The following VTA1 variants were observed in gnomAD, a reference collection of about 807,000 sequenced individuals.
The protein encoded by VTA1 is vacuolar protein sorting-associated protein VTA1 homolog.
VTA1 carries 24 observed loss-of-function variants against 36.9 expected under a neutral mutation model. The ratio of observed to expected loss-of-function variants is 0.65; its 90% CI spans 0.47 to 0.91. The LOEUF (loss-of-function observed/expected upper bound fraction) is 0.91. Ranked by LOEUF, VTA1 falls within the 40% of genes least tolerant of loss-of-function variation. The pLI is 0.00. For synonymous variants in VTA1, 142 were observed against 130.2 expected, an observed-to-expected ratio of 1.09 and a Z score of -0.62; for missense variants, 393 against 377.2, an observed-to-expected ratio of 1.04 and a Z score of -0.35.
At chr6:142,174,509 T>C (rs1279782038) in intron 4 of VTA1, among the ~76,000 whole-genome samples, 1 of 152,178 alleles carries the variant, frequency 6.6e-6, no homozygotes, top group Non-Finnish European at 1.5e-5. Flanking sequence ...CCTTGATTCT[T>C]AGATGAGATT....
chr6:142,198,104 A>AATAT (rs1208220113), intron 5 of VTA1, among the ~76,000 whole-genome samples: 22 of 51,860 alleles, frequency 4.2e-4, no homozygotes, highest in Admixed American at 9.5e-4. Context: ...CTCAAAAAAA[A>AATAT]ATATATATAT....
chr6:142,161,088 C>T (rs910792731), intron 1 of VTA1, among the ~76,000 whole-genome samples: 6 of 143,840 alleles, frequency 4.2e-5, no homozygotes, highest in African/African-American at 1.3e-4. Flanking sequence ...TCCCCCCCCC[C>T]CCTTTTTTTG....
intron 1 of VTA1, among the ~76,000 whole-genome samples, chr6:142,159,442 TACTATTAATCCTGTCC>T (rs1214652408): frequency 6.6e-6 from 1 of 150,794 alleles, no homozygotes; most frequent in Non-Finnish European, 1.5e-5. Context: ...TTGGTGTCTA[TACTATTAATCCTGTCC>T]ACTGAATTTT....
intron 1 of VTA1, among the ~76,000 whole-genome samples, chr6:142,156,665 TC>T (rs1432396833): frequency 6.6e-6 from 1 of 152,190 alleles, no homozygotes; most frequent in Non-Finnish European, 1.5e-5. Flanking sequence ...TTAATAAACT[TC>T]CAGTTAAAGT....
chr6:142,185,334 C>G (rs1247416350), intron 4 of VTA1, among the ~76,000 whole-genome samples: 1 of 152,072 alleles, frequency 6.6e-6, no homozygotes, highest in Non-Finnish European at 1.5e-5. Context: ...AATTAAAGGT[C>G]TTAATTAACA....
At chr6:142,188,595 G>A (rs115585904) in intron 4 of VTA1, among the ~76,000 whole-genome samples, 2,320 of 152,208 alleles carry the variant, frequency 0.015, 52 homozygotes, top group African/African-American at 0.054. Flanking sequence ...GTGCAGGCTG[G>A]CACTTGTAGA....
At chr6:142,187,755 T>A (rs921787398) in intron 4 of VTA1, among the ~76,000 whole-genome samples, 2 of 152,056 alleles carry the variant, frequency 1.3e-5, no homozygotes, top group East Asian at 3.8e-4. Flanking sequence ...AATTTAGTAA[T>A]TTAGGGGTTA....
intron 1 of VTA1, 65 bp downstream of exon 1, chr6:142,147,464 C>T (rs73581606): frequency 6.7e-7 from 1 of 1,490,622 alleles, no homozygotes; most frequent in African/African-American, 1.4e-5. Flanking sequence ...ACACACCTCC[C>T]TGAGGTTCTT....
intron 1 of VTA1, among the ~76,000 whole-genome samples, chr6:142,153,757 A>C (rs371134957): frequency 1.4e-4 from 21 of 152,088 alleles, no homozygotes; most frequent in Non-Finnish European, 1.9e-4. Flanking sequence ...AAATTCTCTC[A>C]TATTTGAAAC....
chr6:142,210,078 A>C (rs1775872479), intron 7 of VTA1, among the ~76,000 whole-genome samples: 1 of 152,218 alleles, frequency 6.6e-6, no homozygotes, highest in African/African-American at 2.4e-5. Context: ...CACATGGACC[A>C]GTGGAACAGA....
chr6:142,178,322 C>G (rs1289430623), intron 4 of VTA1, among the ~76,000 whole-genome samples: 3 of 151,838 alleles, frequency 2.0e-5, no homozygotes, highest in African/African-American at 7.3e-5. Context: ...AACAAATGAA[C>G]AAAAACCCTG....
rs369740074 is a variant in VTA1, at chr6:142,172,177, A to AT, written c.411+1762dup. On this transcript the variant is annotated intron_variant, in intron 4 of 7. Coordinates refer to ENST00000367630, the MANE Select transcript of VTA1 (RefSeq NM_016485.5). Reference sequence around the variant, plus strand: ...AGGTGTGCACCACCACACCTGGCTAATTTTTTGTATTTTAGCAGAGATGGG... The same window carrying AT: ...AGGTGTGCACCACCACACCTGGCTAATTTTTTTGTATTTTAGCAGAGATGGG... Among the ~76,000 whole-genome samples the AT allele has an allele frequency of 2.3e-3, 344 of 152,150 alleles. 2 individuals carry two copies. The highest frequency in any genetic ancestry group is 8.0e-3 in the African/African-American group (333 of 41,496).
intron 4 of VTA1, among the ~76,000 whole-genome samples, chr6:142,183,010 C>T (rs1050008438): frequency 2.0e-5 from 3 of 151,742 alleles, no homozygotes; most frequent in Admixed American, 1.3e-4. Flanking sequence ...AAGGAAAACC[C>T]GGAGGTCTTG....
chr6:142,189,403 GA>G (rs751876957), intron 4 of VTA1, 22 bp from the exon 5 acceptor site: 37 of 1,554,114 alleles, frequency 2.4e-5, no homozygotes, highest in Non-Finnish European at 3.1e-5. Flanking sequence ...GTCCAATGTT[GA>G]TATAAAAATG....
intron 1 of VTA1, among the ~76,000 whole-genome samples, chr6:142,163,988 T>C (rs534937569): frequency 1.3e-5 from 2 of 152,174 alleles, no homozygotes; most frequent in Non-Finnish European, 2.9e-5. Flanking sequence ...AGCCAATTGT[T>C]TTGCCAATCC....
intron 2 of VTA1, among the ~76,000 whole-genome samples, chr6:142,166,928 G>GAAA (rs1240970180): frequency 6.6e-6 from 1 of 152,032 alleles, no homozygotes; most frequent in Admixed American, 6.6e-5. Flanking sequence ...GCCCAGCCGT[G>GAAA]AAAAACCCTT....
chr6:142,170,231 A>G, intron 3 of VTA1, 115 bp from the exon 4 acceptor site: 1 of 714,280 alleles, frequency 1.4e-6, no homozygotes. Context: ...TATTTAAAAC[A>G]TGAATTTCAG....
At chr6:142,158,339 A>G (rs925881224) in intron 1 of VTA1, among the ~76,000 whole-genome samples, 2 of 152,138 alleles carry the variant, frequency 1.3e-5, no homozygotes, top group African/African-American at 4.8e-5. Context: ...ATCCTAACCT[A>G]TCGTTTATGG....
rs768619860 is a variant in VTA1 at position 142,189,510 on chromosome 6, C to A, written c.496C>A (p.Pro166Thr). 6.2e-7 allele frequency: 1 copy of A among 1,612,258 alleles called. No individual in the cohort carries two copies. Among genetic ancestry groups the A allele is most frequent in the Non-Finnish European group, 8.5e-7 (1 of 1,179,216 alleles). Residue 166 changes from proline to threonine, a missense_variant, in exon 5 of 8, where the codon CCT becomes ACT. Transcript: ENST00000367630. ...LKNGETPQAG[P>T]VGIEEDNDIE... ...GAATGGGGAGACTCCTCAAGCAGGC[C>A]CTGTTGGAATTGAAGAAGATAATGG... is the stretch of plus-strand genomic sequence containing the variant.
Sources: allele counts gnomAD v4.1 joint callset (sites outside exome capture counted in the v4.1 genomes callset), GRCh38; gene constraint gnomAD v4.1.1; transcripts MANE v1.5; gene names NCBI Gene and HGNC (gene_info 2026-07-23, HGNC 2026-07-21).